DIAPH3: variants seen among roughly 807,000 people sequenced by gnomAD.
DIAPH3 encodes the protein protein diaphanous homolog 3.
In DIAPH3, 117 loss-of-function variants were observed where a neutral mutation model predicts 144.3. The ratio of observed to expected loss-of-function variants is 0.81; its 90% CI spans 0.70 to 0.95. The LOEUF (loss-of-function observed/expected upper bound fraction) is 0.95. Ranked by LOEUF, DIAPH3 falls within the 40% of genes least tolerant of loss-of-function variation. The probability of loss-of-function intolerance (pLI) is 0.00; values close to 1 mark genes in which losing one functional copy is unlikely to be tolerated. For missense variants in DIAPH3, 1,421 were observed against 1,412.7 expected, an observed-to-expected ratio of 1.01 and a Z score of -0.09; for synonymous variants, 519 against 488.9, an observed-to-expected ratio of 1.06 and a Z score of -0.81.
At chr13:59,933,001 A>G (rs983331261) in intron 17 of DIAPH3, among the ~76,000 whole-genome samples, 4 of 152,228 alleles carry the variant, frequency 2.6e-5, no homozygotes, top group African/African-American at 9.6e-5. Context: ...GTGGAAAACC[A>G]GCAAAAATGT....
rs539858339 is a variant in DIAPH3 at position 59,689,801 on chromosome 13, G to A, written c.3320-22955C>T. Among the ~76,000 whole-genome samples the A allele has an allele frequency of 2.6e-5, 4 of 151,706 alleles. No homozygotes were observed. In the South Asian group the frequency reaches 8.3e-4, roughly 32 times the overall value. On this transcript the variant is annotated intron_variant, in intron 27 of 27. Coordinates refer to ENST00000400324, the MANE Select transcript of DIAPH3 (RefSeq NM_001042517.2). ...AAACTGTATTAAGCAGTGTGTGTGT[G>A]TGTGTGTGTATGTATGTTATGCAAG...
chr13:59,847,415 T>A (rs1196280476), intron 22 of DIAPH3, among the ~76,000 whole-genome samples: 1 of 152,056 alleles, frequency 6.6e-6, no homozygotes, highest in East Asian at 1.9e-4. Context: ...AGCTATTTCA[T>A]CCCCTGAAAG....
At chr13:60,140,743 T>C (rs1799480432) in intron 1 of DIAPH3, among the ~76,000 whole-genome samples, 4 of 152,134 alleles carry the variant, frequency 2.6e-5, no homozygotes, top group Admixed American at 6.5e-5. Flanking sequence ...ATAATACTTT[T>C]CAGATTGAGC....
At chr13:59,801,110 C>G (rs527775381) in intron 25 of DIAPH3, among the ~76,000 whole-genome samples, 2 of 152,154 alleles carry the variant, frequency 1.3e-5, no homozygotes, top group Non-Finnish European at 2.9e-5. Flanking sequence ...CACTGAAAAT[C>G]AGAGATCATA....
At chr13:59,669,448 G>A (rs2066192) in intron 27 of DIAPH3, among the ~76,000 whole-genome samples, 79,452 of 151,928 alleles carry the variant, frequency 0.52, 21,235 homozygotes, top group East Asian at 0.65. Flanking sequence ...GCTCCTGCAC[G>A]TGCCTCACCC....
At chr13:59,921,897 C>G (rs995675065) in intron 18 of DIAPH3, among the ~76,000 whole-genome samples, 2 of 151,986 alleles carry the variant, frequency 1.3e-5, no homozygotes, top group Non-Finnish European at 2.9e-5. Context: ...AAGGATGGTT[C>G]AAAACATGCA....
At chr13:60,129,581 T>A (rs547320611) in intron 2 of DIAPH3, among the ~76,000 whole-genome samples, 2 of 152,310 alleles carry the variant, frequency 1.3e-5, no homozygotes, top group African/African-American at 4.8e-5. Context: ...CCCGTGATGT[T>A]TTAATGTTTC....
chr13:59,699,571 T>C (rs2138739985), intron 27 of DIAPH3, among the ~76,000 whole-genome samples: 1 of 152,326 alleles, frequency 6.6e-6, no homozygotes, highest in Admixed American at 6.5e-5. Flanking sequence ...TGATCTTAAA[T>C]CCAGGTTTTA....
chr13:59,994,907 CAG>C (rs1246288257), intron 9 of DIAPH3, among the ~76,000 whole-genome samples: 1 of 151,714 alleles, frequency 6.6e-6, no homozygotes, highest in Non-Finnish European at 1.5e-5. Flanking sequence ...TTTTATGCAA[CAG>C]GGGCACAATA....
chr13:60,111,603 A>G (rs770517371), intron 3 of DIAPH3, among the ~76,000 whole-genome samples: 1 of 152,210 alleles, frequency 6.6e-6, no homozygotes, highest in Non-Finnish European at 1.5e-5. Flanking sequence ...TCTTATGAGC[A>G]TCTAACTAAT....
intron 27 of DIAPH3, among the ~76,000 whole-genome samples, chr13:59,679,686 C>T (rs2032840157): frequency 6.6e-6 from 1 of 152,128 alleles, no homozygotes; most frequent in Admixed American, 6.5e-5. Context: ...AGTGTTAGCA[C>T]AGAAGCCTTA....
At chr13:59,858,981 T>C (rs949560457) in intron 22 of DIAPH3, among the ~76,000 whole-genome samples, 10 of 152,154 alleles carry the variant, frequency 6.6e-5, no homozygotes, top group Non-Finnish European at 1.3e-4. Context: ...AGGTACTTTT[T>C]AATTCATGTG....
Position 59,762,052 on chromosome 13 carries a change from C to CTT in DIAPH3, c.3319+12135_3319+12136dup, listed in dbSNP as rs35387511. On this transcript the variant is annotated intron_variant, in intron 27 of 27. Transcript: ENST00000400324. ...GCACCCAAGATGAAAGCGTCAGCATCTTTTTTTTTTTTTTTTTTTTTTTTT... is the reference window on the plus strand; with the variant it reads ...GCACCCAAGATGAAAGCGTCAGCATCTTTTTTTTTTTTTTTTTTTTTTTTTTT... 2.2e-3 allele frequency among the ~76,000 whole-genome samples: 131 copies of CTT among 59,512 alleles called. 6 individuals carry two copies. The highest frequency in any genetic ancestry group is 0.011 in the Middle Eastern group (1 of 94). 39.0% of individuals were successfully genotyped at this position (59,512 alleles called of 152,430 possible). A position where few individuals can be genotyped will look rare whatever the true frequency, so the allele number is the denominator to read the frequency against.
chr13:59,668,668 G>A (rs1002645605), intron 27 of DIAPH3, among the ~76,000 whole-genome samples: 73 of 152,182 alleles, frequency 4.8e-4, no homozygotes, highest in African/African-American at 1.6e-3. Flanking sequence ...CATACTCTGT[G>A]ACACAAGATA....
At chr13:59,775,846 C>T (rs375312848) in intron 25 of DIAPH3, among the ~76,000 whole-genome samples, 3 of 152,074 alleles carry the variant, frequency 2.0e-5, no homozygotes, top group Non-Finnish European at 2.9e-5. Flanking sequence ...TAAGGAAATA[C>T]GTGGATATAG....
rs1398981288 is a variant in DIAPH3, at chr13:59,738,391, A to G, written c.3319+35798T>C. On this transcript the variant is annotated intron_variant, in intron 27 of 27. Coordinates refer to ENST00000400324, the MANE Select transcript of DIAPH3 (RefSeq NM_001042517.2). ...CTGGCTGTAGGAGTAGAAAAAGCTC[A>G]GCAGAGGAGCCTCCAGGGAAACAGC... 2.6e-5 allele frequency among the ~76,000 whole-genome samples: 4 copies of G among 152,196 alleles called. No homozygotes were observed. The East Asian group carries it at 7.8e-4, about 30-fold the overall frequency.
intron 3 of DIAPH3, among the ~76,000 whole-genome samples, chr13:60,105,351 C>A (rs1055041937): frequency 5.3e-5 from 8 of 152,136 alleles, no homozygotes; most frequent in African/African-American, 1.7e-4. Context: ...GGCAAAACAG[C>A]ATGCTGAAAT....
intron 11 of DIAPH3, among the ~76,000 whole-genome samples, chr13:59,991,700 T>C (rs1362771585): frequency 6.6e-6 from 1 of 151,954 alleles, no homozygotes; most frequent in Non-Finnish European, 1.5e-5. Flanking sequence ...CAGATTAACA[T>C]GCGACCCATG....
At chr13:60,006,000 T>C (rs2052853106) in intron 9 of DIAPH3, among the ~76,000 whole-genome samples, 1 of 152,164 alleles carries the variant, frequency 6.6e-6, no homozygotes, top group Non-Finnish European at 1.5e-5. Flanking sequence ...AATATAAGTT[T>C]ATCATGACTA....
Sources: allele counts gnomAD v4.1 joint callset (sites outside exome capture counted in the v4.1 genomes callset), GRCh38; gene constraint gnomAD v4.1.1; transcripts MANE v1.5; gene names NCBI Gene and HGNC (gene_info 2026-07-23, HGNC 2026-07-21).